The following TUBGCP4 variants were observed in gnomAD, a reference collection of about 807,000 sequenced individuals.
The protein encoded by TUBGCP4 is gamma-tubulin complex component 4.
Under a neutral mutation model 91.6 loss-of-function variants are expected in TUBGCP4, and 54 were observed. That is an observed-to-expected ratio of 0.59 (90% confidence interval 0.47 to 0.74). TUBGCP4 has a LOEUF of 0.74. Among genes scored for constraint, TUBGCP4 ranks in the 30% least tolerant of loss-of-function variants. The probability of loss-of-function intolerance (pLI) is 0.00; values close to 1 mark genes in which losing one functional copy is unlikely to be tolerated. For missense variants in TUBGCP4, 593 were observed against 800.9 expected (o/e 0.74, Z 3.13); for synonymous variants, 297 against 302.8 (o/e 0.98, Z 0.20).
In TUBGCP4 at chr15:43,407,516, G is replaced by A. The variant is rs1423123951; in HGVS notation, c.*2302G>A. 7.4e-6 allele frequency: 12 copies of A among 1,614,030 alleles called. No homozygotes were observed. Among genetic ancestry groups the A allele is most frequent in the African/African-American group, 5.3e-5 (4 of 74,936 alleles). The stretch of plus-strand genomic sequence containing the variant: ...CAATGCTTCAGCACACTTCAGCACC[G>A]AGGCTGGGCATGAGGGGTCCGTCAC... On this transcript the variant is annotated 3_prime_UTR_variant, in exon 18 of 18. Transcript: ENST00000564079.
chr15:43,395,148 T>C lies in TUBGCP4; in HGVS notation c.1056T>C (p.Gly352=). The change falls in exon 10 of 18, where the codon GGT becomes GGC. Residue 352 remains glycine, a synonymous_variant. Transcript: ENST00000564079. ...TGGTAGAAGAATCCGATTTACTGGG[T>C]CAGCTGAAGGTAATGGCTTAGCTGT... The part of the protein sequence containing the change: ...KLMVEESDLL[G]QLKIIKDFYL... 6.2e-7 allele frequency: 1 copy of C among 1,614,172 alleles called. No homozygotes were observed.
chr15:43,376,298 C>T, intron 2 of TUBGCP4, 72 bp downstream of exon 2: 2 of 1,606,350 alleles, frequency 1.2e-6, no homozygotes. Flanking sequence ...CTCTAGAGGG[C>T]AGGAGCTATG....
intron 1 of TUBGCP4, among the ~76,000 whole-genome samples, chr15:43,374,648 C>G (rs921886009): frequency 1.3e-5 from 2 of 152,198 alleles, no homozygotes; most frequent in African/African-American, 4.8e-5. Context: ...CCCATACAAT[C>G]TAGCAGTTCT....
At position 43,377,838 on chromosome 15, in the gene TUBGCP4, A is replaced by T. The variant is rs778699802; in HGVS notation, c.385-9A>T. The T allele has an allele frequency of 2.5e-6, 4 of 1,596,376 alleles. No homozygotes were observed. Among genetic ancestry groups the T allele is most frequent in the Non-Finnish European group, 3.4e-6 (4 of 1,172,172 alleles). The stretch of plus-strand genomic sequence containing the variant: ...TTACATACCCTTCTAATTATTCTCT[A>T]CTTTGCAGTTCCAGCTTCTTTTTCC... On this transcript the variant is annotated splice_polypyrimidine_tract_variant and intron_variant, in intron 4 of 17. Coordinates refer to ENST00000564079, the MANE Select transcript of TUBGCP4 (RefSeq NM_014444.5).
intron 6 of TUBGCP4, among the ~76,000 whole-genome samples, chr15:43,381,638 A>G (rs1254649044): frequency 6.6e-6 from 1 of 152,170 alleles, no homozygotes; most frequent in African/African-American, 2.4e-5. Context: ...AAGCTGAGGC[A>G]GAAGGATTGC....
intron 9 of TUBGCP4, among the ~76,000 whole-genome samples, chr15:43,389,485 C>T (rs1408516264): frequency 6.6e-6 from 1 of 152,072 alleles, no homozygotes. Context: ...AGCCACCATA[C>T]CCAGTCCAGA....
At chr15:43,381,956 G>A (rs769758919) in intron 6 of TUBGCP4, among the ~76,000 whole-genome samples, 2 of 152,124 alleles carry the variant, frequency 1.3e-5, no homozygotes, top group Admixed American at 6.6e-5. Context: ...GGGCATGGTG[G>A]CACACACCTG....
chr15:43,395,343 T>C lies in TUBGCP4; in HGVS notation c.1065+186T>C, dbSNP rs2044563412. The C allele has an allele frequency of 1.7e-5, 12 of 701,664 alleles. No homozygotes were observed. The South Asian group carries it at 2.2e-4, about 13-fold the overall frequency. The allele number at this position is 701,664 out of a possible 1,614,324, so 43.5% of individuals were successfully genotyped here. On this transcript the variant is annotated intron_variant, in intron 10 of 17. Transcript: ENST00000564079. ...ACGATAATACAAAGATTTGGGAGTG[T>C]ACTTTTTTCTGGCATATATATATAA...
intron 10 of TUBGCP4, 31 bp from the exon 11 acceptor site, chr15:43,395,552 A>G: frequency 1.3e-6 from 2 of 1,543,692 alleles, no homozygotes. Flanking sequence ...GCCTTGCTTT[A>G]CTGAATTGTA....
At chr15:43,393,661 T>C (rs1446842056) in intron 9 of TUBGCP4, among the ~76,000 whole-genome samples, 2 of 152,108 alleles carry the variant, frequency 1.3e-5, no homozygotes, top group South Asian at 2.1e-4. Context: ...GTGTTCTCAT[T>C]GTTCAATTCC....
At position 43,407,310 on chromosome 15, in the gene TUBGCP4, A is replaced by T. The variant is rs1246037857; in HGVS notation, c.*2096A>T. 7.5e-7 allele frequency: 1 copy of T among 1,330,208 alleles called. No individual in the cohort carries two copies. The highest frequency in any genetic ancestry group is 1.4e-5 in the African/African-American group (1 of 69,236). 82.4% of individuals were successfully genotyped at this position (1,330,208 alleles called of 1,614,324 possible). The stretch of plus-strand genomic sequence containing the variant: ...CATGCAAGGAATCCAGTTACACACA[A>T]GACACATTTAAAACCTGGTTAAAAC... On this transcript the variant is annotated 3_prime_UTR_variant, in exon 18 of 18. Transcript: ENST00000564079.
chr15:43,395,236 C>G, intron 10 of TUBGCP4, 79 bp downstream of exon 10: 1 of 1,528,734 alleles, frequency 6.5e-7, no homozygotes, highest in East Asian at 2.3e-5. Context: ...CCTGAGAGCA[C>G]TGGTTGCCTA....
At chr15:43,375,304 A>C (rs981164898) in intron 1 of TUBGCP4, among the ~76,000 whole-genome samples, 5 of 152,252 alleles carry the variant, frequency 3.3e-5, no homozygotes, top group African/African-American at 1.2e-4. Flanking sequence ...TGGGGCAAAC[A>C]AAAAAGTTCT....
chr15:43,395,369 T>C, intron 10 of TUBGCP4: 1 of 658,986 alleles, frequency 1.5e-6, no homozygotes, highest in Non-Finnish European at 2.7e-6. Context: ...ATATATATAA[T>C]TATGTTGCTA....
intron 15 of TUBGCP4, chr15:43,402,842 T>G (rs968008713): frequency 2.0e-5 from 3 of 152,254 alleles, no homozygotes; most frequent in Non-Finnish European, 4.4e-5. Flanking sequence ...ATGAGCTGGT[T>G]GTTATTCCTC....
At chr15:43,393,810 T>A (rs888318185) in intron 9 of TUBGCP4, among the ~76,000 whole-genome samples, 1 of 152,134 alleles carries the variant, frequency 6.6e-6, no homozygotes, top group Non-Finnish European at 1.5e-5. Flanking sequence ...TATTCCATGG[T>A]GTATATGTGC....
chr15:43,409,112 C>T lies in TUBGCP4; in HGVS notation c.*3898C>T. 6.2e-7 allele frequency: 1 copy of T among 1,613,452 alleles called. No individual in the cohort carries two copies. On this transcript the variant is annotated 3_prime_UTR_variant, in exon 18 of 18. Transcript: ENST00000564079. ...CTGTGTTACACTGCAAGAAAAGAAG[C>T]AGAGCCAATGGGTTTGGTGACTTCT...
In TUBGCP4 at chr15:43,406,410, T is replaced by C. The variant is rs1182710953; in HGVS notation, c.*1196T>C. 8.8e-6 allele frequency: 3 copies of C among 339,548 alleles called. No homozygotes were observed. The highest frequency in any genetic ancestry group is 1.7e-5 in the Non-Finnish European group (3 of 172,660). The allele number at this position is 339,548 out of a possible 1,614,324, so 21.0% of individuals were successfully genotyped here. On this transcript the variant is annotated 3_prime_UTR_variant, in exon 18 of 18. Transcript: ENST00000564079. ...AACTAAAGATCACCCTTTCTACTGC[T>C]GTCTCTGGAGCAGGAGCTGGCAAAC...
Position 43,390,899 on chromosome 15 carries a change from C to T in TUBGCP4, c.1015-4208C>T, listed in dbSNP as rs549928262. Among the ~76,000 whole-genome samples the T allele has an allele frequency of 1.1e-4, 16 of 152,194 alleles. No individual in the cohort carries two copies. In the South Asian group the frequency reaches 3.1e-3, roughly 30 times the overall value. On this transcript the variant is annotated intron_variant, in intron 9 of 17. Transcript: ENST00000564079. Reference sequence around the variant, plus strand: ...GTGGTGCAATGATGAGTCACTGCAGCGCGATCTCCAGGCTCAATCAATTTT... The same window carrying T: ...GTGGTGCAATGATGAGTCACTGCAGTGCGATCTCCAGGCTCAATCAATTTT...
Sources: allele counts gnomAD v4.1 joint callset (sites outside exome capture counted in the v4.1 genomes callset), GRCh38; gene constraint gnomAD v4.1.1; transcripts MANE v1.5; gene names NCBI Gene and HGNC (gene_info 2026-07-23, HGNC 2026-07-21).